Variants in ZPBP observed in about 807,000 individuals in gnomAD.
The protein encoded by ZPBP is zona pellucida-binding protein 1.
A neutral mutation model predicts 44.8 loss-of-function variants in ZPBP; 26 were observed. The ratio of observed to expected loss-of-function variants is 0.58; its 90% CI spans 0.43 to 0.81. ZPBP has a LOEUF of 0.81. Ranked by LOEUF, ZPBP falls within the 30% of genes least tolerant of loss-of-function variation. The probability of loss-of-function intolerance (pLI) is 0.00; values close to 1 mark genes in which losing one functional copy is unlikely to be tolerated. For synonymous variants in ZPBP, 174 were observed against 153.2 expected (o/e 1.14, Z -1.00); for missense variants, 409 against 434.0 (o/e 0.94, Z 0.51).
At position 50,018,282 on chromosome 7, in the gene ZPBP, T is replaced by C. The variant is rs145657175; in HGVS notation, c.741A>G (p.Arg247=). The C allele has an allele frequency of 6.2e-7, 1 of 1,610,550 alleles. No individual in the cohort carries two copies. The change falls in exon 6 of 8, where the codon CGA becomes CGG. Residue 247 remains arginine (R), a synonymous_variant. Transcript: ENST00000046087. The part of the protein sequence containing the change: ...SSLDTEKGPK[R]CTDHNCEPYK... ...AAGGTTCACAGTTATGGTCTGTACA[T>C]CGCTTGGGTCCTTTTTCAGTGTCTA... is the stretch of plus-strand genomic sequence containing the variant.
intron 7 of ZPBP, among the ~76,000 whole-genome samples, chr7:49,946,100 A>G (rs1795092643): frequency 1.3e-5 from 2 of 149,906 alleles, no homozygotes; most frequent in South Asian, 4.2e-4. Flanking sequence ...CTAGTAAAAA[A>G]CTCTACAGTT....
intron 2 of ZPBP, among the ~76,000 whole-genome samples, chr7:50,085,345 C>G (rs1439497300): frequency 1.3e-5 from 2 of 152,072 alleles, no homozygotes; most frequent in African/African-American, 2.4e-5. Context: ...TTTAAGCCAC[C>G]CTGTCTGTGG....
chr7:49,937,527 C>A lies in ZPBP; in HGVS notation c.*1G>T, dbSNP rs141832800. ...ACCACTGAATAACTGAAGATAATGG[C>A]TTATAAGCACGTTTTTGCTCCATAC... On this transcript the variant is annotated 3_prime_UTR_variant, in exon 8 of 8. Transcript: ENST00000046087. The A allele has an allele frequency of 6.3e-5, 102 of 1,609,990 alleles. No homozygotes were observed. Among genetic ancestry groups the A allele is most frequent in the Non-Finnish European group, 7.8e-5 (92 of 1,176,564 alleles).
chr7:49,905,293 G>A (rs1171639517), intron 1 of ZPBP, among the ~76,000 whole-genome samples: 3 of 152,192 alleles, frequency 2.0e-5, no homozygotes, highest in African/African-American at 7.2e-5. Flanking sequence ...GCTATGGAAA[G>A]TGACCATTCA....
At chr7:49,882,814 T>C (rs1250695259) in intron 2 of ZPBP, among the ~76,000 whole-genome samples, 1 of 152,208 alleles carries the variant, frequency 6.6e-6, no homozygotes, top group Admixed American at 6.5e-5. Flanking sequence ...AAGTCATTTA[T>C]AAGTTTCAAC....
intron 1 of ZPBP, chr7:49,921,368 A>G (rs1794008151): frequency 6.6e-6 from 1 of 152,376 alleles, no homozygotes; most frequent in African/African-American, 2.4e-5. Flanking sequence ...AGGCCAGAGC[A>G]TCCTTTTAAC....
chr7:49,877,238 G>A (rs898318350), intron 2 of ZPBP, among the ~76,000 whole-genome samples: 2 of 151,326 alleles, frequency 1.3e-5, no homozygotes, highest in African/African-American at 2.4e-5. Context: ...GAAGCAGGTC[G>A]ATCACCTGAG....
chr7:50,058,104 G>A lies in ZPBP; in HGVS notation c.372C>T (p.Ser124=). The A allele has an allele frequency of 6.2e-7, 1 of 1,613,788 alleles. No homozygotes were observed. Among genetic ancestry groups the A allele is most frequent in the Non-Finnish European group, 8.5e-7 (1 of 1,179,868 alleles). The change falls in exon 4 of 8, where the codon AGC becomes AGT. Residue 124 remains serine (S), a synonymous_variant. Coordinates refer to ENST00000046087, the MANE Select transcript of ZPBP (RefSeq NM_007009.3). ...TCTCCTCAAAATTTTGGAATACAAG[G>A]CTTCCTGTGGATGTTATTTGTGCAG... ...NRTAQITSTG[S]LVFQNFEESM...
intron 1 of ZPBP, chr7:49,916,883 C>G (rs925407323): frequency 3.3e-5 from 5 of 152,166 alleles, no homozygotes; most frequent in Non-Finnish European, 5.9e-5. Context: ...TGAACTCTGA[C>G]AGCTATTGGC....
intron 2 of ZPBP, among the ~76,000 whole-genome samples, chr7:49,868,978 A>C (rs1460019907): frequency 6.6e-6 from 1 of 152,190 alleles, no homozygotes; most frequent in Non-Finnish European, 1.5e-5. Flanking sequence ...ATATATGTAC[A>C]ATTTTCCAGA....
At chr7:50,078,931 CAT>C (rs1017905105) in intron 3 of ZPBP, among the ~76,000 whole-genome samples, 10 of 150,820 alleles carry the variant, frequency 6.6e-5, no homozygotes, top group East Asian at 1.9e-4. Context: ...AGAAGTGAAA[CAT>C]GTGGACAACA....
chr7:49,919,496 A>G (rs1793906997), intron 1 of ZPBP: 4 of 152,298 alleles, frequency 2.6e-5, no homozygotes, highest in Admixed American at 2.6e-4. Context: ...GACATAAAAA[A>G]CTAAGTGCCT....
chr7:49,890,446 CT>C (rs980067930), intron 2 of ZPBP, among the ~76,000 whole-genome samples: 10 of 152,246 alleles, frequency 6.6e-5, no homozygotes, highest in Admixed American at 3.9e-4. Context: ...TGCTGTTTGA[CT>C]TTTTACAGAC....
chr7:49,877,835 C>T (rs1045248050), intron 2 of ZPBP, among the ~76,000 whole-genome samples: 4 of 151,794 alleles, frequency 2.6e-5, no homozygotes, highest in African/African-American at 9.7e-5. Flanking sequence ...CTACTGCTAC[C>T]ATTTCCCCAC....
At chr7:50,012,871 G>T (rs915716382) in intron 6 of ZPBP, among the ~76,000 whole-genome samples, 7 of 150,936 alleles carry the variant, frequency 4.6e-5, no homozygotes, top group African/African-American at 1.7e-4. Flanking sequence ...CAGATGACAT[G>T]ATAGATTACA....
At chr7:50,062,266 T>C (rs1801282056) in intron 3 of ZPBP, among the ~76,000 whole-genome samples, 1 of 152,130 alleles carries the variant, frequency 6.6e-6, no homozygotes, top group Non-Finnish European at 1.5e-5. Context: ...AACTTACAGA[T>C]TCAATGCTTT....
chr7:50,040,577 C>T (rs1048733893), intron 4 of ZPBP, among the ~76,000 whole-genome samples: 3 of 152,192 alleles, frequency 2.0e-5, no homozygotes, highest in South Asian at 4.2e-4. Context: ...GAACTCCCTC[C>T]CCAAGCCAAG....
chr7:49,981,353 TATA>T lies in ZPBP; in HGVS notation c.961+1986_961+1988del, dbSNP rs1262532475. On this transcript the variant is annotated intron_variant, in intron 7 of 7. Transcript: ENST00000046087. ...TTATAATTATATATATTATATAATA[TATA>T]TTATATATAATTATATATATTATAT... Among the ~76,000 whole-genome samples the T allele has an allele frequency of 5.5e-4, 9 of 16,422 alleles. No homozygotes were observed. In the East Asian group the frequency reaches 0.028, roughly 51 times the overall value. The allele number at this position is 16,422 out of a possible 152,430, so 10.8% of individuals were successfully genotyped here. A position where few individuals can be genotyped will look rare whatever the true frequency, so the allele number is the denominator to read the frequency against.
chr7:49,890,922 A>AT (rs1792100371), intron 2 of ZPBP, among the ~76,000 whole-genome samples: 1 of 142,832 alleles, frequency 7.0e-6, no homozygotes, highest in South Asian at 2.1e-4. Flanking sequence ...GTAAACAGGC[A>AT]TAAAAAAAAG....
Sources: gnomAD v4.1 joint callset for allele counts (sites outside exome capture counted in the v4.1 genomes callset) on GRCh38, gnomAD v4.1.1 for gene constraint, MANE v1.5 for transcripts, NCBI Gene and HGNC (gene_info 2026-07-23, HGNC 2026-07-21) for gene names.